Variants in XRCC4 observed in about 807,000 individuals in gnomAD.
XRCC4 encodes X-ray repair cross complementing 4.
XRCC4 carries 28 observed loss-of-function variants against 39.1 expected under a neutral mutation model. The ratio of observed to expected loss-of-function variants is 0.72; its 90% confidence interval spans 0.53 to 0.98. The LOEUF (loss-of-function observed/expected upper bound fraction) is 0.98, where lower values mean the gene tolerates loss of function less well. XRCC4 is among the 50% of genes least tolerant of loss of function. The probability of loss-of-function intolerance (pLI) is 0.00; values close to 1 mark genes in which losing one functional copy is unlikely to be tolerated. For missense variants in XRCC4, 350 were observed against 376.4 expected, an observed-to-expected ratio of 0.93 and a Z score of 0.58; for synonymous variants, 123 against 126.4, an observed-to-expected ratio of 0.97 and a Z score of 0.18.
At chr5:83,276,443 CATTTATGA>C (rs201968573) in intron 7 of XRCC4, among the ~76,000 whole-genome samples, 6,823 of 121,718 alleles carry the variant, frequency 0.056, 461 homozygotes, top group African/African-American at 0.24. Flanking sequence ...TTAATCCATT[CATTTATGA>C]ATGGATTAAT....
intron 3 of XRCC4, among the ~76,000 whole-genome samples, chr5:83,185,974 C>T (rs1750420788): frequency 6.6e-6 from 1 of 152,082 alleles, no homozygotes; most frequent in Admixed American, 6.5e-5. Flanking sequence ...AAAATACTTG[C>T]AGCATGTATG....
intron 6 of XRCC4, among the ~76,000 whole-genome samples, chr5:83,220,818 G>A (rs891095882): frequency 6.6e-6 from 1 of 152,098 alleles, no homozygotes; most frequent in African/African-American, 2.4e-5. Flanking sequence ...ATTGCTTTTC[G>A]AGCTATATTA....
chr5:83,165,495 A>G (rs1011910031), intron 3 of XRCC4, among the ~76,000 whole-genome samples: 5 of 152,132 alleles, frequency 3.3e-5, no homozygotes, highest in South Asian at 2.1e-4. Context: ...CTTTTATTTT[A>G]AGTTCAGTGT....
At chr5:83,218,062 T>TTATATATATATA (rs560667796) in intron 6 of XRCC4, among the ~76,000 whole-genome samples, 2,874 of 147,534 alleles carry the variant, frequency 0.019, 28 homozygotes, top group Middle Eastern at 0.029. Context: ...TTTACCTTTT[T>TTATATATATATA]TATATATATA....
intron 7 of XRCC4, among the ~76,000 whole-genome samples, chr5:83,293,957 G>C (rs1354361812): frequency 1.3e-5 from 2 of 151,868 alleles, no homozygotes; most frequent in Non-Finnish European, 2.9e-5. Flanking sequence ...AAAAATTGTA[G>C]ATACCAATGA....
chr5:83,130,735 A>G (rs946817619), intron 3 of XRCC4, among the ~76,000 whole-genome samples: 1 of 152,178 alleles, frequency 6.6e-6, no homozygotes, highest in Non-Finnish European at 1.5e-5. Context: ...CATTTCTTCT[A>G]GATTTTCTAG....
intron 3 of XRCC4, among the ~76,000 whole-genome samples, chr5:83,126,972 C>T (rs1747298245): frequency 6.6e-6 from 1 of 152,126 alleles, no homozygotes; most frequent in Admixed American, 6.5e-5. Flanking sequence ...AAATACCTGT[C>T]TTACGCCTGC....
intron 7 of XRCC4, among the ~76,000 whole-genome samples, chr5:83,302,453 C>T (rs770983814): frequency 6.6e-6 from 1 of 152,162 alleles, no homozygotes; most frequent in Non-Finnish European, 1.5e-5. Flanking sequence ...GGGAGTTCCC[C>T]GATCCCTTGC....
chr5:83,273,933 C>A (rs141550253), intron 7 of XRCC4, among the ~76,000 whole-genome samples: 21 of 151,840 alleles, frequency 1.4e-4, no homozygotes, highest in Non-Finnish European at 2.7e-4. Flanking sequence ...GGCCGTTACA[C>A]CTTTTATTCC....
chr5:83,244,041 A>T (rs1219381756), intron 6 of XRCC4, among the ~76,000 whole-genome samples: 2 of 152,138 alleles, frequency 1.3e-5, no homozygotes, highest in African/African-American at 2.4e-5. Flanking sequence ...ATAATGTGCA[A>T]AGTTAAAAAT....
chr5:83,215,455 C>T (rs181709403), intron 6 of XRCC4, among the ~76,000 whole-genome samples: 70 of 152,220 alleles, frequency 4.6e-4, no homozygotes, highest in Middle Eastern at 6.8e-3. Context: ...ACAGAATGAT[C>T]CTAAAACTTA....
intron 7 of XRCC4, among the ~76,000 whole-genome samples, chr5:83,339,162 C>T (rs1226647554): frequency 1.3e-5 from 2 of 152,158 alleles, no homozygotes; most frequent in Non-Finnish European, 2.9e-5. Flanking sequence ...ATATTTAAAA[C>T]ATCAATTTAA....
intron 6 of XRCC4, among the ~76,000 whole-genome samples, chr5:83,249,665 A>C (rs1390621799): frequency 6.6e-6 from 1 of 151,940 alleles, no homozygotes. Context: ...GTTAGTGATC[A>C]GAGAGAGAGA....
chr5:83,216,659 C>T (rs1751871948), intron 6 of XRCC4, among the ~76,000 whole-genome samples: 2 of 152,110 alleles, frequency 1.3e-5, no homozygotes, highest in African/African-American at 4.8e-5. Flanking sequence ...CTGATAGATA[C>T]TTATTGTGGA....
intron 6 of XRCC4, among the ~76,000 whole-genome samples, chr5:83,221,829 G>T (rs1225256625): frequency 6.6e-6 from 1 of 151,676 alleles, no homozygotes; most frequent in African/African-American, 2.4e-5. Flanking sequence ...AGTTTTAAAT[G>T]TAGCCTTATA....
At chr5:83,271,681 T>C (rs954511871) in intron 7 of XRCC4, among the ~76,000 whole-genome samples, 1 of 152,182 alleles carries the variant, frequency 6.6e-6, no homozygotes, top group African/African-American at 2.4e-5. Context: ...ACATAAAATT[T>C]ATGCAAATGC....
chr5:83,086,733 G>A (rs540188787), intron 1 of XRCC4, among the ~76,000 whole-genome samples: 1 of 151,994 alleles, frequency 6.6e-6, no homozygotes, highest in Admixed American at 6.6e-5. Flanking sequence ...GTTGTTCAGC[G>A]ATCAACTGTG....
At chr5:83,120,685 A>C (rs1206501109) in intron 3 of XRCC4, among the ~76,000 whole-genome samples, 1 of 152,182 alleles carries the variant, frequency 6.6e-6, no homozygotes, top group Non-Finnish European at 1.5e-5. Flanking sequence ...CTTTTTGATG[A>C]ATATCTGGTG....
intron 3 of XRCC4, among the ~76,000 whole-genome samples, chr5:83,152,765 T>C (rs185344613): frequency 6.6e-6 from 1 of 152,180 alleles, no homozygotes; most frequent in Admixed American, 6.5e-5. Context: ...TAGATTCATA[T>C]GCAGCTACAG....
Sources: allele counts gnomAD v4.1 joint callset (sites outside exome capture counted in the v4.1 genomes callset), GRCh38; gene constraint gnomAD v4.1.1; transcripts MANE v1.5; gene names NCBI Gene and HGNC (gene_info 2026-07-23, HGNC 2026-07-21).